The following PDZD4 variants were observed in gnomAD, a reference collection of about 807,000 sequenced individuals.
The protein encoded by PDZD4 is PDZ domain-containing protein 4.
PDZD4 carries 9 observed loss-of-function variants against 38.5 expected under a neutral mutation model. The ratio of observed to expected loss-of-function variants is 0.23; its 90% CI spans 0.14 to 0.41. PDZD4 has a LOEUF of 0.41. Ranked by LOEUF, PDZD4 falls within the 10% of genes least tolerant of loss-of-function variation. The probability of loss-of-function intolerance (pLI) is 1.00; values close to 1 mark genes in which losing one functional copy is unlikely to be tolerated. For synonymous variants in PDZD4, 349 were observed against 315.7 expected, an observed-to-expected ratio of 1.11 and a Z score of -1.12; for missense variants, 612 against 722.0, an observed-to-expected ratio of 0.85 and a Z score of 1.75.
chrX:153,817,451 C>T (rs948721447), intron 1 of PDZD4, among the ~76,000 whole-genome samples: 20 of 111,432 alleles, frequency 1.8e-4, no homozygotes, highest in Non-Finnish European at 3.8e-5. Context: ...AAAGAATGAA[C>T]GACCGGCACA....
chrX:153,828,673 C>T (rs2064507323), intron 1 of PDZD4, among the ~76,000 whole-genome samples: 1 of 112,757 alleles, frequency 8.9e-6, no homozygotes, highest in Non-Finnish European at 1.9e-5. Context: ...TCTCCCCTAT[C>T]CACACGTCCC....
Position 153,804,607 on chromosome X carries a change from C to T in PDZD4, c.1074G>A (p.Glu358=), listed in dbSNP as rs1557076196. ...GGGDVPGLTD[E]EYERYRELLE... ...GGAGCTCACGGTAGCGCTCATACTC[C>T]TCATCCGTGAGGCCCGGGACGTCGC... The change falls in exon 8 of 8, where the codon GAG becomes GAA. Residue 358 remains glutamate, a synonymous_variant. Coordinates refer to ENST00000393758, the MANE Select transcript of PDZD4 (RefSeq NM_001303512.2). 1 of 1,209,842 alleles carries T rather than the reference C, an allele frequency of 8.3e-7. No individual in the cohort carries two copies.
intron 4 of PDZD4, 104 bp from the exon 5 acceptor site, chrX:153,806,237 G>T: frequency 1.2e-6 from 1 of 814,671 alleles, no homozygotes; most frequent in Non-Finnish European, 1.8e-6. Context: ...AAGGCTCTCT[G>T]GCTCCCCTTC....
At chrX:153,829,533 G>A (rs1219113710) in intron 1 of PDZD4, 1 of 153,896 alleles carries the variant, frequency 6.5e-6, no homozygotes, top group Non-Finnish European at 1.1e-5. Flanking sequence ...ACGGGGCACA[G>A]GAACGCACTC....
intron 3 of PDZD4, 136 bp from the exon 4 acceptor site, chrX:153,806,976 TGA>T: frequency 1.8e-6 from 1 of 553,290 alleles, no homozygotes; most frequent in South Asian, 2.8e-5. Flanking sequence ...TGGAGCCCCC[TGA>T]GCTCAGTTTC....
Position 153,830,367 on chromosome X carries a change from A to T in PDZD4, c.-69T>A. On this transcript the variant is annotated 5_prime_UTR_variant, in exon 1 of 8. Coordinates refer to ENST00000393758, the MANE Select transcript of PDZD4 (RefSeq NM_001303512.2). Reference sequence around the variant, plus strand: ...CGCCTTTCACTGACCCGGGCGCGGGACCTCGGGTCCCGGGCCGGGGCCAGG... The same window carrying T: ...CGCCTTTCACTGACCCGGGCGCGGGTCCTCGGGTCCCGGGCCGGGGCCAGG... 6 of 1,045,851 alleles carry T rather than the reference A, an allele frequency of 5.7e-6. No individual in the cohort carries two copies. The highest frequency in any genetic ancestry group is 7.9e-6 in the Non-Finnish European group (6 of 762,371). The allele number at this position is 1,045,851 out of a possible 1,213,427, so 86.2% of individuals were successfully genotyped here. A position where few individuals can be genotyped will look rare whatever the true frequency, so the allele number is the denominator to read the frequency against.
rs1164908815 is a variant in PDZD4 at position 153,804,123 on chromosome X, G to T, written c.1558C>A (p.Pro520Thr). The T allele has an allele frequency of 1.2e-5, 14 of 1,150,532 alleles. No homozygotes were observed. The highest frequency in any genetic ancestry group is 1.6e-5 in the Non-Finnish European group (14 of 868,528). The allele number at this position is 1,150,532 out of a possible 1,213,427, so 94.8% of individuals were successfully genotyped here. A position where few individuals can be genotyped will look rare whatever the true frequency, so the allele number is the denominator to read the frequency against. Reference protein sequence around the residue: ...RTPPGPAVATPAKAAPPPGSP... With the variant: ...RTPPGPAVATTAKAAPPPGSP... The stretch of plus-strand genomic sequence containing the variant: ...CCCGGTGGAGGAGCTGCCTTGGCGG[G>T]GGTGGCAACAGCGGGGCCGGGAGGG... The change falls in exon 8 of 8, where the codon CCC becomes ACC. Residue 520 changes from proline to threonine, a missense_variant. Coordinates refer to ENST00000393758, the MANE Select transcript of PDZD4 (RefSeq NM_001303512.2).
chrX:153,809,858 C>T (rs1336547063), intron 1 of PDZD4, among the ~76,000 whole-genome samples: 1 of 112,985 alleles, frequency 8.9e-6, no homozygotes, highest in African/African-American at 3.2e-5. Context: ...GAAGTAGGAC[C>T]TAAGCAGCTC....
chrX:153,828,312 T>G (rs1375192592), intron 1 of PDZD4, among the ~76,000 whole-genome samples: 1 of 112,635 alleles, frequency 8.9e-6, no homozygotes, highest in Non-Finnish European at 1.9e-5. Flanking sequence ...CCCTTAGTTG[T>G]GAAGGATGGT....
chrX:153,819,414 A>C (rs2064398225), intron 1 of PDZD4, among the ~76,000 whole-genome samples: 1 of 112,650 alleles, frequency 8.9e-6, no homozygotes, highest in South Asian at 3.6e-4. Flanking sequence ...AGTGCTTGTC[A>C]CACGGCGCCT....
At chrX:153,809,314 C>T (rs782537018) in intron 1 of PDZD4, among the ~76,000 whole-genome samples, 27 of 112,813 alleles carry the variant, frequency 2.4e-4, no homozygotes, top group East Asian at 5.6e-4. Flanking sequence ...AGGCCGGGTG[C>T]GGTGGCTCAC....
At chrX:153,807,752 G>T in intron 2 of PDZD4, 1 of 752,969 alleles carries the variant, frequency 1.3e-6, no homozygotes, top group Non-Finnish European at 1.7e-6. Flanking sequence ...TCCAGGCCCT[G>T]GAGGACTTCT....
rs1169637681 is a variant in PDZD4, at chrX:153,803,171, TCTC to T, written c.*179_*181del. ...GGGCAGAAGGAAGAAAAGCGTCCCTTCTCCTCAGGGGCTTCTCTCTGCTAACAA... is the reference window on the plus strand; with the variant it reads ...GGGCAGAAGGAAGAAAAGCGTCCCTTCTCAGGGGCTTCTCTCTGCTAACAA... On this transcript the variant is annotated 3_prime_UTR_variant, in exon 8 of 8. Transcript: ENST00000393758. 2.8e-5 allele frequency: 9 copies of T among 321,277 alleles called. No homozygotes were observed. Among genetic ancestry groups the T allele is most frequent in the African/African-American group, 2.2e-4 (8 of 36,907 alleles). The allele number at this position is 321,277 out of a possible 1,213,427, so 26.5% of individuals were successfully genotyped here. A position where few individuals can be genotyped will look rare whatever the true frequency, so the allele number is the denominator to read the frequency against.
intron 1 of PDZD4, among the ~76,000 whole-genome samples, chrX:153,815,997 C>A (rs1005448508): frequency 9.1e-5 from 9 of 99,442 alleles, no homozygotes; most frequent in Non-Finnish European, 1.8e-4. Flanking sequence ...GGGCACTGAT[C>A]GCCCCAGGCC....
Position 153,830,334 on chromosome X carries a change from C to T in PDZD4, c.-36G>A. On this transcript the variant is annotated 5_prime_UTR_variant, in exon 1 of 8. Coordinates refer to ENST00000393758, the MANE Select transcript of PDZD4 (RefSeq NM_001303512.2). The stretch of plus-strand genomic sequence containing the variant: ...GGCGAGAGGAGGCGGAGGGCGGGAA[C>T]GGGAAGACGCCTTTCACTGACCCGG... 8.5e-7 allele frequency: 1 copy of T among 1,170,003 alleles called. No individual in the cohort carries two copies. Among genetic ancestry groups the T allele is most frequent in the Middle Eastern group, 2.4e-4 (1 of 4,170 alleles).
intron 1 of PDZD4, among the ~76,000 whole-genome samples, chrX:153,810,599 G>T (rs1426983005): frequency 8.9e-6 from 1 of 112,912 alleles, no homozygotes; most frequent in African/African-American, 3.2e-5. Context: ...CGAGTTGTGC[G>T]AATATTAGCA....
chrX:153,829,590 G>T (rs1368923399), intron 1 of PDZD4: 1 of 413,065 alleles, frequency 2.4e-6, no homozygotes, highest in African/African-American at 2.7e-5. Context: ...CCGGGCCGCG[G>T]GGCTGGGCTC....
rs782725467 is a variant in PDZD4, at chrX:153,805,520, G to C, written c.654C>G (p.Ala218=). 8.3e-7 allele frequency: 1 copy of C among 1,209,831 alleles called. No individual in the cohort carries two copies. The highest frequency in any genetic ancestry group is 2.2e-5 in the Admixed American group (1 of 46,134). The change falls in exon 6 of 8, where the codon GCC becomes GCG. Residue 218 remains alanine (A), a synonymous_variant. Transcript: ENST00000393758. ...GCATACACACCTGACTCTCAGGTCG[G>C]GCCACCAGCAGGGAGATGTTGGTGT... ...EENTNISLLV[A]RPESQLAKRW...
chrX:153,813,188 G>T (rs1425017261), intron 1 of PDZD4, among the ~76,000 whole-genome samples: 3 of 112,089 alleles, frequency 2.7e-5, no homozygotes, highest in African/African-American at 9.7e-5. Flanking sequence ...ACTTCTAGAC[G>T]ACAAAAGACA....
Sources: gnomAD v4.1 joint callset for allele counts (sites outside exome capture counted in the v4.1 genomes callset) on GRCh38, gnomAD v4.1.1 for gene constraint, MANE v1.5 for transcripts, NCBI Gene and HGNC (gene_info 2026-07-23, HGNC 2026-07-21) for gene names.